The following RSRC1 variants were observed in gnomAD, a reference collection of about 807,000 sequenced individuals.
The protein encoded by RSRC1 is serine/Arginine-related protein 53.
Under a neutral mutation model 49.1 loss-of-function variants are expected in RSRC1, and 39 were observed. That is an observed-to-expected ratio of 0.79 (90% CI 0.61 to 1.04). RSRC1 has a LOEUF of 1.04. Ranked by LOEUF, RSRC1 falls within the 50% of genes least tolerant of loss-of-function variation. The probability of loss-of-function intolerance (pLI) is 0.00; values close to 1 mark genes in which losing one functional copy is unlikely to be tolerated. For missense variants in RSRC1, 388 were observed against 402.4 expected (o/e 0.96, Z 0.31); for synonymous variants, 143 against 130.8 (o/e 1.09, Z -0.63).
chr3:158,171,719 G>A (rs1718893200), intron 3 of RSRC1, among the ~76,000 whole-genome samples: 2 of 152,078 alleles, frequency 1.3e-5, no homozygotes, highest in South Asian at 2.1e-4. Flanking sequence ...GGAGGCTCAG[G>A]CAGGAGGATT....
intron 6 of RSRC1, among the ~76,000 whole-genome samples, chr3:158,408,563 C>A (rs1372303043): frequency 3.3e-5 from 5 of 152,130 alleles, no homozygotes; most frequent in Non-Finnish European, 7.4e-5. Context: ...ATTTTGTTTA[C>A]GTTTTATCTC....
chr3:158,201,536 T>C (rs1344971193), intron 3 of RSRC1, among the ~76,000 whole-genome samples: 1 of 152,132 alleles, frequency 6.6e-6, no homozygotes, highest in East Asian at 1.9e-4. Flanking sequence ...GGGGCTTTCT[T>C]ATTACAGTCT....
chr3:158,146,654 A>G (rs1717144292), intron 3 of RSRC1, among the ~76,000 whole-genome samples: 1 of 152,206 alleles, frequency 6.6e-6, no homozygotes, highest in Admixed American at 6.5e-5. Flanking sequence ...AAAATGAGTT[A>G]GGCAGGATTC....
At chr3:158,514,384 C>A (rs1740376808) in intron 7 of RSRC1, among the ~76,000 whole-genome samples, 3 of 152,182 alleles carry the variant, frequency 2.0e-5, no homozygotes, top group Non-Finnish European at 4.4e-5. Context: ...ACCCAGCAGT[C>A]ATTCAGGAGC....
chr3:158,399,910 A>AC (rs1733814985), intron 6 of RSRC1, among the ~76,000 whole-genome samples: 1 of 152,236 alleles, frequency 6.6e-6, no homozygotes, highest in East Asian at 1.9e-4. Context: ...TGTTTTTGAA[A>AC]TTTTAAAAAA....
intron 5 of RSRC1, among the ~76,000 whole-genome samples, chr3:158,334,206 C>G (rs1427254794): frequency 6.6e-6 from 1 of 151,998 alleles, no homozygotes. Flanking sequence ...CCACCACATA[C>G]CTTTTCATTT....
chr3:158,410,815 TTATAA>T (rs1433224332), intron 6 of RSRC1, among the ~76,000 whole-genome samples: 4 of 152,082 alleles, frequency 2.6e-5, no homozygotes, highest in African/African-American at 9.7e-5. Flanking sequence ...TAAAGCAGTA[TTATAA>T]TAGAATATAT....
chr3:158,275,598 A>G (rs1725761601), intron 4 of RSRC1, among the ~76,000 whole-genome samples: 1 of 152,206 alleles, frequency 6.6e-6, no homozygotes, highest in Non-Finnish European at 1.5e-5. Flanking sequence ...TAATTCCCTA[A>G]TAAGATAAAG....
intron 6 of RSRC1, among the ~76,000 whole-genome samples, chr3:158,431,314 C>T (rs908616920): frequency 6.6e-6 from 1 of 151,804 alleles, no homozygotes. Flanking sequence ...TCCATCTTAA[C>T]AGCTAACATA....
At chr3:158,464,174 A>G (rs1033139728) in intron 7 of RSRC1, among the ~76,000 whole-genome samples, 2 of 152,160 alleles carry the variant, frequency 1.3e-5, no homozygotes, top group African/African-American at 2.4e-5. Context: ...TTTAAAGTAT[A>G]TAATTAAAAA....
chr3:158,365,378 T>C (rs943805609), intron 6 of RSRC1, among the ~76,000 whole-genome samples: 1 of 152,098 alleles, frequency 6.6e-6, no homozygotes, highest in Non-Finnish European at 1.5e-5. Context: ...AACTCCCACT[T>C]ATGAGTGAGA....
At chr3:158,185,488 CTAA>C (rs1719876914) in intron 3 of RSRC1, among the ~76,000 whole-genome samples, 1 of 151,794 alleles carries the variant, frequency 6.6e-6, no homozygotes, top group South Asian at 2.1e-4. Context: ...CATTTAAAAA[CTAA>C]TAATAATAAA....
chr3:158,331,789 G>A (rs548269912), intron 5 of RSRC1, among the ~76,000 whole-genome samples: 1 of 149,184 alleles, frequency 6.7e-6, no homozygotes, highest in East Asian at 2.0e-4. Flanking sequence ...ACCTGAATAA[G>A]ATTACATATT....
Position 158,529,214 on chromosome 3 carries a change from G to GTGTGTGTATA in RSRC1, c.653-7877_653-7876insGTGTGTATAT, listed in dbSNP as rs374368016. Among the ~76,000 whole-genome samples, 225 of 143,142 alleles carry GTGTGTGTATA rather than the reference G, an allele frequency of 1.6e-3. 1 individual carries two copies. Among genetic ancestry groups the GTGTGTGTATA allele is most frequent in the African/African-American group, 5.1e-3 (193 of 38,052 alleles). The allele number at this position is 143,142 out of a possible 152,430, so 93.9% of individuals were successfully genotyped here. On this transcript the variant is annotated intron_variant, in intron 7 of 9. Coordinates refer to ENST00000611884, the MANE Select transcript of RSRC1 (RefSeq NM_001271838.2). ...TTTATGTATATATGTATGTGTGTGT[G>GTGTGTGTATA]TATATATATATATATATATATCCTA... is the stretch of plus-strand genomic sequence containing the variant.
At chr3:158,381,328 T>C (rs1732685416) in intron 6 of RSRC1, among the ~76,000 whole-genome samples, 1 of 152,200 alleles carries the variant, frequency 6.6e-6, no homozygotes, top group Non-Finnish European at 1.5e-5. Flanking sequence ...TGAGCTCAAG[T>C]GTTACATGTA....
At chr3:158,265,304 A>T (rs181439732) in intron 4 of RSRC1, among the ~76,000 whole-genome samples, 1 of 152,202 alleles carries the variant, frequency 6.6e-6, no homozygotes, top group African/African-American at 2.4e-5. Context: ...TGTTCTGTTT[A>T]CTTATCTTGA....
At chr3:158,349,250 T>G (rs1730729386) in intron 5 of RSRC1, among the ~76,000 whole-genome samples, 1 of 152,196 alleles carries the variant, frequency 6.6e-6, no homozygotes, top group Non-Finnish European at 1.5e-5. Context: ...TTTTTTAACT[T>G]TTTAATAATA....
intron 6 of RSRC1, among the ~76,000 whole-genome samples, chr3:158,458,154 A>G (rs767786326): frequency 6.6e-6 from 1 of 152,096 alleles, no homozygotes; most frequent in Non-Finnish European, 1.5e-5. Context: ...TGTAGTAAAG[A>G]CAGCATAGTA....
chr3:158,345,296 G>A (rs79200350), intron 5 of RSRC1, among the ~76,000 whole-genome samples: 2,902 of 151,750 alleles, frequency 0.019, 75 homozygotes, highest in African/African-American at 0.067. Context: ...TAATAATTAC[G>A]GTAAGTGTAT....
Sources: allele counts gnomAD v4.1 joint callset (sites outside exome capture counted in the v4.1 genomes callset), GRCh38; gene constraint gnomAD v4.1.1; transcripts MANE v1.5; gene names NCBI Gene and HGNC (gene_info 2026-07-23, HGNC 2026-07-21).